Variants in GRM3 observed in about 807,000 individuals in gnomAD.
GRM3 encodes the protein metabotropic glutamate receptor 3.
In GRM3, 26 loss-of-function variants were observed where a neutral mutation model predicts 70.5. That is an observed-to-expected ratio of 0.37 (90% CI 0.27 to 0.51). The LOEUF is 0.51. Among genes scored for constraint, GRM3 ranks in the 20% least tolerant of loss-of-function variants. The pLI is 0.93. For missense variants in GRM3, 859 were observed against 1,123.8 expected (o/e 0.76, Z 3.37); for synonymous variants, 443 against 434.9 (o/e 1.02, Z -0.23).
chr7:86,788,377 C>T (rs572035919), intron 3 of GRM3, among the ~76,000 whole-genome samples: 50 of 152,286 alleles, frequency 3.3e-4, no homozygotes, highest in African/African-American at 1.2e-3. Flanking sequence ...AAAATCACCA[C>T]ACTGCATGTT....
Position 86,722,541 on chromosome 7 carries a change from G to A in GRM3, c.-140-42465G>A, listed in dbSNP as rs185174821. 5.2e-3 allele frequency among the ~76,000 whole-genome samples: 760 copies of A among 147,064 alleles called. 5 individuals carry two copies. Among genetic ancestry groups the A allele is most frequent in the African/African-American group, 0.018 (731 of 39,796 alleles). ...ACCACACGTTCTCACTCCTAAGTGG[G>A]AGTTGAACAATGAAAACACATGGAC... On this transcript the variant is annotated intron_variant, in intron 1 of 5. Transcript: ENST00000361669.
intron 5 of GRM3, among the ~76,000 whole-genome samples, chr7:86,853,741 C>A (rs1009040600): frequency 1.3e-5 from 2 of 152,162 alleles, no homozygotes; most frequent in Non-Finnish European, 2.9e-5. Context: ...TCCTGCATAA[C>A]AAACTTCTCC....
chr7:86,841,506 G>A (rs940216313), intron 4 of GRM3, among the ~76,000 whole-genome samples: 3 of 152,110 alleles, frequency 2.0e-5, no homozygotes, highest in Admixed American at 6.6e-5. Flanking sequence ...TCTATCTTTT[G>A]TCTTTATATA....
At chr7:86,812,203 A>T (rs1403596881) in intron 3 of GRM3, among the ~76,000 whole-genome samples, 2 of 151,868 alleles carry the variant, frequency 1.3e-5, no homozygotes, top group African/African-American at 4.8e-5. Flanking sequence ...AGGAAAATAC[A>T]TATGACTATC....
intron 3 of GRM3, among the ~76,000 whole-genome samples, chr7:86,807,443 G>A (rs573522542): frequency 7.4e-5 from 11 of 149,312 alleles, no homozygotes; most frequent in African/African-American, 1.3e-4. Context: ...TGTAGTTCTC[G>A]TTGAAGAGGT....
intron 3 of GRM3, among the ~76,000 whole-genome samples, chr7:86,836,255 A>T (rs1262881763): frequency 6.6e-6 from 1 of 152,114 alleles, no homozygotes; most frequent in African/African-American, 2.4e-5. Flanking sequence ...TTTTTAAAGA[A>T]CCTACGCTTT....
chr7:86,760,674 G>A (rs1238134120), intron 1 of GRM3, among the ~76,000 whole-genome samples: 2 of 151,622 alleles, frequency 1.3e-5, no homozygotes, highest in African/African-American at 2.4e-5. Context: ...ACTTTCTTAG[G>A]GCTTCATTTT....
chr7:86,682,785 T>C (rs751073973), intron 1 of GRM3, among the ~76,000 whole-genome samples: 8 of 152,182 alleles, frequency 5.3e-5, no homozygotes, highest in Non-Finnish European at 1.0e-4. Context: ...CTAGTCATTA[T>C]GGTTCAGAGA....
At chr7:86,686,488 A>G (rs946288844) in intron 1 of GRM3, among the ~76,000 whole-genome samples, 4 of 152,250 alleles carry the variant, frequency 2.6e-5, no homozygotes, top group African/African-American at 9.6e-5. Flanking sequence ...AGACGTTTTT[A>G]AGGAAAAACA....
intron 1 of GRM3, among the ~76,000 whole-genome samples, chr7:86,653,216 A>G (rs1793651059): frequency 6.6e-6 from 1 of 152,150 alleles, no homozygotes; most frequent in African/African-American, 2.4e-5. Context: ...GAATTCCACC[A>G]TGAGGGCCAA....
chr7:86,695,798 TCA>T (rs1351837314), intron 1 of GRM3, among the ~76,000 whole-genome samples: 4 of 152,110 alleles, frequency 2.6e-5, no homozygotes, highest in African/African-American at 9.7e-5. Context: ...CCCCTAAAAC[TCA>T]CAATATCTAG....
At chr7:86,729,141 A>G (rs148751642) in intron 1 of GRM3, among the ~76,000 whole-genome samples, 8 of 152,244 alleles carry the variant, frequency 5.3e-5, no homozygotes, top group African/African-American at 1.9e-4. Context: ...TTTTAGTTGA[A>G]GAATGCTGAT....
chr7:86,684,117 C>T (rs1490023127), intron 1 of GRM3, among the ~76,000 whole-genome samples: 4 of 151,952 alleles, frequency 2.6e-5, no homozygotes, highest in South Asian at 4.2e-4. Flanking sequence ...TCTTACCCTC[C>T]GGGAACTGCC....
At chr7:86,781,717 G>T (rs1261170833) in intron 2 of GRM3, among the ~76,000 whole-genome samples, 1 of 152,038 alleles carries the variant, frequency 6.6e-6, no homozygotes, top group Non-Finnish European at 1.5e-5. Flanking sequence ...ACAATGTAAA[G>T]ATCTTATTGC....
chr7:86,650,510 C>A (rs1423087050), intron 1 of GRM3, among the ~76,000 whole-genome samples: 1 of 152,136 alleles, frequency 6.6e-6, no homozygotes, highest in South Asian at 2.1e-4. Flanking sequence ...GGCTCAAGAT[C>A]TTTCTCCACT....
chr7:86,716,727 G>T (rs979692544), intron 1 of GRM3, among the ~76,000 whole-genome samples: 3 of 151,054 alleles, frequency 2.0e-5, no homozygotes, highest in Non-Finnish European at 4.4e-5. Flanking sequence ...ATAAATTACA[G>T]AATTATAAGC....
intron 1 of GRM3, among the ~76,000 whole-genome samples, chr7:86,741,093 C>A (rs1293461688): frequency 6.6e-6 from 1 of 152,122 alleles, no homozygotes; most frequent in Non-Finnish European, 1.5e-5. Flanking sequence ...TCCACCCAGA[C>A]CTTATGAAAG....
chr7:86,697,109 A>G (rs1240276328), intron 1 of GRM3, among the ~76,000 whole-genome samples: 2 of 152,140 alleles, frequency 1.3e-5, no homozygotes, highest in Admixed American at 1.3e-4. Context: ...AACTGCCTAC[A>G]TAGAGAAGGA....
At chr7:86,722,116 G>T (rs1015093777) in intron 1 of GRM3, among the ~76,000 whole-genome samples, 2 of 151,984 alleles carry the variant, frequency 1.3e-5, no homozygotes, top group East Asian at 1.9e-4. Flanking sequence ...CCCCAGAGAG[G>T]CTTCTGAAAA....
Sources: allele counts gnomAD v4.1 joint callset (sites outside exome capture counted in the v4.1 genomes callset), GRCh38; gene constraint gnomAD v4.1.1; transcripts MANE v1.5; gene names NCBI Gene and HGNC (gene_info 2026-07-23, HGNC 2026-07-21).